CRHR1: variants seen among roughly 807,000 people sequenced by gnomAD.
CRHR1 encodes the protein corticotropin-releasing hormone receptor 1.
CRHR1 carries 28 observed loss-of-function variants against 56.0 expected under a neutral mutation model. The ratio of observed to expected loss-of-function variants is 0.50; its 90% CI spans 0.37 to 0.69. The LOEUF is 0.69. Ranked by LOEUF, CRHR1 falls within the 30% of genes least tolerant of loss-of-function variation. CRHR1 has a pLI of 0.00. For missense variants in CRHR1, 376 were observed against 548.0 expected (o/e 0.69, Z 3.13); for synonymous variants, 195 against 216.5 (o/e 0.90, Z 0.87).
At chr17:45,815,318 G>A (rs72834580) in intron 2 of CRHR1, among the ~76,000 whole-genome samples, 1 of 152,134 alleles carries the variant, frequency 6.6e-6, no homozygotes, top group Non-Finnish European at 1.5e-5. Context: ...CCTCAGGGGG[G>A]TGCCAGGACT....
At chr17:45,791,852 TCACACACA>T (rs59855327) in intron 1 of CRHR1, among the ~76,000 whole-genome samples, 6 of 121,028 alleles carry the variant, frequency 5.0e-5, no homozygotes, top group African/African-American at 6.8e-5. Context: ...TCTCTCTCTC[TCACACACA>T]CACACACACA....
At chr17:45,802,195 C>CAG (rs1413126032) in intron 1 of CRHR1, among the ~76,000 whole-genome samples, 3 of 152,088 alleles carry the variant, frequency 2.0e-5, no homozygotes, top group Non-Finnish European at 2.9e-5. Context: ...CATGGTGGTG[C>CAG]AGGCCTGTAA....
rs576726381 is a variant in CRHR1 at position 45,829,614 on chromosome 17, C to A, written c.434+293C>A. 2.5e-4 allele frequency: 385 copies of A among 1,551,054 alleles called. 6 individuals carry two copies. The South Asian group carries it at 4.4e-3, about 18-fold the overall frequency. ...GCAGATGGAGCCCTGGAGGTGGGGG[C>A]TCCATGGAGTGGTGCCCCATTTCAG... is the stretch of plus-strand genomic sequence containing the variant. On this transcript the variant is annotated intron_variant, in intron 5 of 12. Coordinates refer to ENST00000314537, the MANE Select transcript of CRHR1 (RefSeq NM_004382.5).
intron 4 of CRHR1, among the ~76,000 whole-genome samples, chr17:45,827,485 G>A (rs1163565083): frequency 6.6e-6 from 1 of 152,214 alleles, no homozygotes; most frequent in Non-Finnish European, 1.5e-5. Context: ...ATATCTTCCA[G>A]AGCCTCCGGA....
Position 45,784,554 on chromosome 17 carries a change from C to T in CRHR1, c.10C>T (p.His4Tyr), listed in dbSNP as rs1358552219. The T allele has an allele frequency of 6.4e-7, 1 of 1,554,742 alleles. No homozygotes were observed. The highest frequency in any genetic ancestry group is 1.9e-5 in the Admixed American group (1 of 52,834). The change falls in exon 1 of 13, where the codon CAC becomes TAC. Residue 4 changes from histidine (H) to tyrosine (Y), a missense_variant. This residue lies in a region of CRHR1 where 369 missense variants were observed against 519.5 expected (regional missense o/e 0.71). Coordinates refer to ENST00000314537, the MANE Select transcript of CRHR1 (RefSeq NM_004382.5). This position sits in a 1 kb window ranked among gnomAD's most constrained non-coding sequence, Gnocchi z 4.2. ...CCGAGCGAGCCCGAGGATGGGAGGG[C>T]ACCCGCAGCTCCGTCTCGTCAAGGT... is the stretch of plus-strand genomic sequence containing the variant. Reference protein sequence around the residue: MGGHPQLRLVKALL... With the variant: MGGYPQLRLVKALL...
intron 3 of CRHR1, 96 bp downstream of exon 3, chr17:45,816,678 C>A: frequency 6.4e-7 from 1 of 1,565,510 alleles, no homozygotes; most frequent in Non-Finnish European, 8.7e-7. Context: ...ATGACAATAA[C>A]AGTAATACCT....
At chr17:45,799,329 C>T (rs1598405594) in intron 1 of CRHR1, 1 of 152,360 alleles carries the variant, frequency 6.6e-6, no homozygotes, top group Non-Finnish European at 1.5e-5. Flanking sequence ...GATATATCCC[C>T]CGTAGGTACA....
At chr17:45,803,827 A>C (rs1381122726) in intron 1 of CRHR1, among the ~76,000 whole-genome samples, 3 of 152,006 alleles carry the variant, frequency 2.0e-5, no homozygotes, top group African/African-American at 7.2e-5. Context: ...TGGCGTGGGC[A>C]GATGTGGGGT....
rs930380128 is a variant in CRHR1, at chr17:45,835,242, C to T, written c.*478C>T. ...GCCTCTGGACCTCGGTGATGCCTTC[C>T]GACACCACTGGGAACCAAGGGCCCT... is the stretch of plus-strand genomic sequence containing the variant. On this transcript the variant is annotated 3_prime_UTR_variant, in exon 13 of 13. Coordinates refer to ENST00000314537, the MANE Select transcript of CRHR1 (RefSeq NM_004382.5). 5 of 160,520 alleles carry T rather than the reference C, an allele frequency of 3.1e-5. No homozygotes were observed. The highest frequency in any genetic ancestry group is 1.8e-4 in the East Asian group (1 of 5,550). The allele number at this position is 160,520 out of a possible 1,614,324, so 9.9% of individuals were successfully genotyped here.
At chr17:45,813,711 G>C (rs1266648987) in intron 2 of CRHR1, among the ~76,000 whole-genome samples, 1 of 152,268 alleles carries the variant, frequency 6.6e-6, no homozygotes, top group African/African-American at 2.4e-5. Context: ...TCCCGTCTCA[G>C]TATCTTTGGT....
chr17:45,786,612 T>A (rs2061340308), intron 1 of CRHR1, among the ~76,000 whole-genome samples: 1 of 151,660 alleles, frequency 6.6e-6, no homozygotes, highest in Non-Finnish European at 1.5e-5. Flanking sequence ...GGCTTTGTTT[T>A]GTTTGCTTTT....
chr17:45,791,007 C>T (rs1481384825), intron 1 of CRHR1, among the ~76,000 whole-genome samples: 6 of 152,192 alleles, frequency 3.9e-5, no homozygotes, highest in African/African-American at 1.4e-4. Context: ...AAGGCTGGGA[C>T]AAGTGATGGC....
In CRHR1 at chr17:45,828,957, G is replaced by A. The variant is rs545545402; in HGVS notation, c.328-258G>A. Among the ~76,000 whole-genome samples the A allele has an allele frequency of 4.6e-5, 7 of 152,280 alleles. No homozygotes were observed. In the East Asian group the frequency reaches 1.4e-3, roughly 29 times the overall value. On this transcript the variant is annotated intron_variant, in intron 4 of 12. Transcript: ENST00000314537. ...CAGGGGCGGGGGGTCCATGTGGAGT[G>A]GGGAATCCCACGTGATGTGGAGATT...
intron 2 of CRHR1, among the ~76,000 whole-genome samples, chr17:45,813,991 G>T (rs1266005251): frequency 6.6e-6 from 1 of 152,242 alleles, no homozygotes; most frequent in East Asian, 1.9e-4. Context: ...ATCCTCAGTG[G>T]CTGGCCTCTG....
chr17:45,789,528 C>T (rs2061391075), intron 1 of CRHR1, among the ~76,000 whole-genome samples: 1 of 151,844 alleles, frequency 6.6e-6, no homozygotes, highest in African/African-American at 2.4e-5. Flanking sequence ...TGCATCACCA[C>T]ACCTAGCTAA....
intron 7 of CRHR1, 94 bp from the exon 8 acceptor site, chr17:45,830,786 C>T (rs16940672): frequency 0.18 from 249,289 of 1,359,736 alleles, 26,602 homozygotes; most frequent in Non-Finnish European, 0.22. Context: ...TGAGTAACCC[C>T]AGACCCCCTG....
chr17:45,789,372 A>ATT (rs66531491), intron 1 of CRHR1, among the ~76,000 whole-genome samples: 6 of 144,308 alleles, frequency 4.2e-5, no homozygotes, highest in Admixed American at 6.9e-5. Flanking sequence ...GTCCCTAGGA[A>ATT]TTTTTTTTTT....
At position 45,807,662 on chromosome 17, in the gene CRHR1, C is replaced by T. The variant is rs756714558; in HGVS notation, c.121+565C>T. Among the ~76,000 whole-genome samples, 19 of 152,362 alleles carry T rather than the reference C, an allele frequency of 1.2e-4. No homozygotes were observed. In the East Asian group the frequency reaches 1.7e-3, roughly 14 times the overall value. On this transcript the variant is annotated intron_variant, in intron 2 of 12. Coordinates refer to ENST00000314537, the MANE Select transcript of CRHR1 (RefSeq NM_004382.5). ...AAGCGCCAGAGCCCTGAGTGGAGCA[C>T]GGGCAGCCCAGCTTCTGGTTGTGGT...
intron 4 of CRHR1, among the ~76,000 whole-genome samples, chr17:45,823,272 AG>A (rs984609829): frequency 6.6e-6 from 1 of 152,018 alleles, no homozygotes; most frequent in African/African-American, 2.4e-5. Flanking sequence ...TGAGTGCCCC[AG>A]GGGAGCCTTC....
Sources: allele counts gnomAD v4.1 joint callset (sites outside exome capture counted in the v4.1 genomes callset), GRCh38; gene constraint gnomAD v4.1.1; regional missense constraint gnomAD v4.1.1; non-coding constraint Gnocchi (gnomAD v3.1); transcripts MANE v1.5; gene names NCBI Gene and HGNC (gene_info 2026-07-23, HGNC 2026-07-21).